Variants in CHODL observed in about 807,000 individuals in gnomAD.
The protein encoded by CHODL is chondrolectin.
A neutral mutation model predicts 34.5 loss-of-function variants in CHODL; 29 were observed. That is an observed-to-expected ratio of 0.84 (90% confidence interval 0.63 to 1.15). CHODL has a LOEUF of 1.15. Among genes scored for constraint, CHODL ranks in the 50% most tolerant of loss-of-function variants. The pLI is 0.00. For synonymous variants in CHODL, 125 were observed against 116.1 expected, an observed-to-expected ratio of 1.08 and a Z score of -0.49; for missense variants, 332 against 332.5, an observed-to-expected ratio of 1.00 and a Z score of 0.01.
chr21:18,005,325 C>T lies in CHODL; in HGVS notation c.-144-22547C>T, dbSNP rs548066991. 4.6e-5 allele frequency among the ~76,000 whole-genome samples: 7 copies of T among 152,338 alleles called. No homozygotes were observed. In the East Asian group the frequency reaches 5.8e-4, roughly 13 times the overall value. On this transcript the variant is annotated intron_variant, in intron 1 of 6. Transcript: ENST00000400127. ...TATTAAAGGAGGAATGTTTATGAGG[C>T]ACTCTAGAATTGTGTCTGGCACATA... is the stretch of plus-strand genomic sequence containing the variant.
intron 2 of CHODL, among the ~76,000 whole-genome samples, chr21:18,098,279 C>A (rs1568885113): frequency 6.6e-6 from 1 of 151,638 alleles, no homozygotes; most frequent in Admixed American, 6.6e-5. Flanking sequence ...AGACAACCCA[C>A]AGAATGGGAG....
At chr21:18,068,088 C>T (rs1463614084) in intron 2 of CHODL, among the ~76,000 whole-genome samples, 1 of 152,000 alleles carries the variant, frequency 6.6e-6, no homozygotes, top group Non-Finnish European at 1.5e-5. Flanking sequence ...AATAAATGCA[C>T]AACAATTTTT....
intron 1 of CHODL, among the ~76,000 whole-genome samples, chr21:17,977,931 A>G (rs1263414494): frequency 8.6e-5 from 13 of 150,578 alleles, no homozygotes; most frequent in Admixed American, 7.9e-4. Flanking sequence ...AAAAAAAAAA[A>G]AAAGAAAAAG....
intron 2 of CHODL, among the ~76,000 whole-genome samples, chr21:18,236,680 G>T (rs2074031531): frequency 6.6e-6 from 1 of 151,926 alleles, no homozygotes; most frequent in Non-Finnish European, 1.5e-5. Flanking sequence ...AAAAAATTTT[G>T]CAAAATTTGA....
intron 5 of CHODL, among the ~76,000 whole-genome samples, chr21:18,265,215 A>T (rs140492216): frequency 7.5e-6 from 1 of 133,144 alleles, no homozygotes; most frequent in African/African-American, 3.5e-5. Context: ...ACATATATGT[A>T]TGTGTATATA....
At chr21:18,145,495 A>G (rs1427065487) in intron 2 of CHODL, among the ~76,000 whole-genome samples, 3 of 150,798 alleles carry the variant, frequency 2.0e-5, no homozygotes, top group Non-Finnish European at 2.9e-5. Flanking sequence ...TCTTTAACCT[A>G]TATGTGAAAA....
intron 2 of CHODL, among the ~76,000 whole-genome samples, chr21:18,045,034 A>G (rs1279852072): frequency 1.3e-5 from 2 of 151,908 alleles, no homozygotes; most frequent in African/African-American, 4.8e-5. Context: ...ATTTAGATGA[A>G]TCGGTGATAA....
chr21:18,218,840 C>T (rs1191242383), intron 2 of CHODL, among the ~76,000 whole-genome samples: 1 of 152,176 alleles, frequency 6.6e-6, no homozygotes, highest in East Asian at 1.9e-4. Context: ...CGGCAAGTTT[C>T]TCATCTCCAT....
At chr21:18,221,282 T>C (rs2073881213) in intron 2 of CHODL, among the ~76,000 whole-genome samples, 1 of 152,168 alleles carries the variant, frequency 6.6e-6, no homozygotes, top group Admixed American at 6.5e-5. Flanking sequence ...ATTGAGATCA[T>C]TGTTTTCCTG....
At chr21:17,971,047 T>C (rs1161160880) in intron 1 of CHODL, among the ~76,000 whole-genome samples, 1 of 152,180 alleles carries the variant, frequency 6.6e-6, no homozygotes, top group Non-Finnish European at 1.5e-5. Context: ...TCCATGTCCC[T>C]ACAAAGGACA....
chr21:18,080,547 A>T (rs1031135959), intron 2 of CHODL, among the ~76,000 whole-genome samples: 1 of 152,088 alleles, frequency 6.6e-6, no homozygotes, highest in African/African-American at 2.4e-5. Flanking sequence ...TCTTCTGCAG[A>T]TGGTTATCCA....
chr21:18,134,262 A>C (rs2824645), intron 2 of CHODL: 1 of 500,286 alleles, frequency 2.0e-6, no homozygotes, highest in South Asian at 1.5e-5. Context: ...TGATCTTGCC[A>C]TTTTTATACT....
intron 1 of CHODL, among the ~76,000 whole-genome samples, chr21:18,025,225 A>C (rs1227089836): frequency 6.6e-6 from 1 of 152,182 alleles, no homozygotes. Flanking sequence ...TATCAAATAA[A>C]ATGCTAAAAT....
chr21:18,222,341 G>C (rs1454692031), intron 2 of CHODL, among the ~76,000 whole-genome samples: 1 of 152,096 alleles, frequency 6.6e-6, no homozygotes, highest in Non-Finnish European at 1.5e-5. Flanking sequence ...TGAGGATTTG[G>C]AAATGCAAGA....
intron 1 of CHODL, among the ~76,000 whole-genome samples, chr21:17,970,321 C>T (rs756982250): frequency 3.3e-5 from 5 of 152,230 alleles, no homozygotes; most frequent in South Asian, 2.1e-4. Context: ...TTTCTGTCTT[C>T]GCCATCTTAT....
intron 1 of CHODL, among the ~76,000 whole-genome samples, chr21:18,246,812 A>C (rs527395304): frequency 2.0e-4 from 31 of 152,322 alleles, no homozygotes; most frequent in Admixed American, 1.4e-3. Context: ...GAGCTTAAAA[A>C]ATTGTTGAAG....
chr21:18,160,322 T>G (rs1398290890), intron 2 of CHODL, among the ~76,000 whole-genome samples: 1 of 152,178 alleles, frequency 6.6e-6, no homozygotes, highest in Admixed American at 6.5e-5. Flanking sequence ...TTATTCCTTT[T>G]CTTTTTTCTC....
chr21:18,049,135 C>T (rs919032382), intron 2 of CHODL, among the ~76,000 whole-genome samples: 2 of 151,910 alleles, frequency 1.3e-5, no homozygotes, highest in Non-Finnish European at 2.9e-5. Context: ...AGTGTTTAAG[C>T]TTCAGCTTCA....
chr21:18,223,506 C>T (rs1302816660), intron 2 of CHODL, among the ~76,000 whole-genome samples: 1 of 152,114 alleles, frequency 6.6e-6, no homozygotes, highest in Non-Finnish European at 1.5e-5. Flanking sequence ...GTAAGGGTAA[C>T]AGGAATTTCC....
Sources: gnomAD v4.1 joint callset for allele counts (sites outside exome capture counted in the v4.1 genomes callset) on GRCh38, gnomAD v4.1.1 for gene constraint, MANE v1.5 for transcripts, NCBI Gene and HGNC (gene_info 2026-07-23, HGNC 2026-07-21) for gene names.